SNX18: variants seen among roughly 807,000 people sequenced by gnomAD.
The protein encoded by SNX18 is sorting nexin-18.
A neutral mutation model predicts 48.7 loss-of-function variants in SNX18; 35 were observed. That is an observed-to-expected ratio of 0.72 (90% confidence interval 0.55 to 0.95). The LOEUF (loss-of-function observed/expected upper bound fraction) is 0.95. SNX18 is among the 40% of genes least tolerant of loss of function. The probability of loss-of-function intolerance (pLI) is 0.00; values close to 1 mark genes in which losing one functional copy is unlikely to be tolerated. For missense variants in SNX18, 824 were observed against 871.0 expected (o/e 0.95, Z 0.68); for synonymous variants, 492 against 384.7 (o/e 1.28, Z -3.26).
the SNX18 span, among the ~76,000 whole-genome samples, chr5:54,594,762 G>T: frequency 6.6e-6 from 1 of 152,092 alleles, no homozygotes; most frequent in East Asian, 1.9e-4. Flanking sequence ...TTTGGGGTAC[G>T]ATTGATCCTA....
the SNX18 span, among the ~76,000 whole-genome samples, chr5:54,581,456 C>T: frequency 3.3e-5 from 5 of 151,940 alleles, no homozygotes; most frequent in East Asian, 5.8e-4. Context: ...ATGACTCCCC[C>T]GGCAAAAAGG....
the SNX18 span, among the ~76,000 whole-genome samples, chr5:54,556,630 G>A: frequency 6.6e-6 from 1 of 152,146 alleles, no homozygotes; most frequent in Admixed American, 6.5e-5. Flanking sequence ...CAGATTCTTG[G>A]GTTCTGGGCA....
the SNX18 span, among the ~76,000 whole-genome samples, chr5:54,596,462 A>G: frequency 1.3e-5 from 2 of 152,156 alleles, no homozygotes; most frequent in African/African-American, 2.4e-5. Context: ...TGCTTTGCTA[A>G]TTTGGTTGCT....
the SNX18 span, among the ~76,000 whole-genome samples, chr5:54,618,645 G>A: frequency 0.19 from 28,700 of 152,176 alleles, 2,915 homozygotes; most frequent in East Asian, 0.32. Context: ...GGAGTAGAAA[G>A]TTACTAAATG....
chr5:54,595,755 A>T, the SNX18 span, among the ~76,000 whole-genome samples: 2 of 152,162 alleles, frequency 1.3e-5, no homozygotes, highest in Non-Finnish European at 2.9e-5. Flanking sequence ...CTTAAAACAG[A>T]TTTATTCTCT....
the SNX18 span, among the ~76,000 whole-genome samples, chr5:54,622,521 C>T: frequency 6.6e-6 from 1 of 150,700 alleles, no homozygotes; most frequent in African/African-American, 2.4e-5. Context: ...AAGCAACTAG[C>T]CCTTTCATAA....
the SNX18 span, among the ~76,000 whole-genome samples, chr5:54,568,059 C>T: frequency 6.6e-6 from 1 of 152,164 alleles, no homozygotes; most frequent in African/African-American, 2.4e-5. Flanking sequence ...TTAACTCACC[C>T]TTGGCTCTAT....
At chr5:54,602,349 G>C in the SNX18 span, among the ~76,000 whole-genome samples, 2 of 152,218 alleles carry the variant, frequency 1.3e-5, no homozygotes, top group Admixed American at 6.5e-5. Context: ...GTGTCACTGG[G>C]AAAATGGCCA....
chr5:54,639,738 A>G, the SNX18 span, among the ~76,000 whole-genome samples: 1 of 152,206 alleles, frequency 6.6e-6, no homozygotes, highest in Admixed American at 6.5e-5. Flanking sequence ...TGAAGAAACA[A>G]AGCTTATCTA....
chr5:54,521,243 C>T (rs185598603), intron 1 of SNX18, among the ~76,000 whole-genome samples: 46 of 152,214 alleles, frequency 3.0e-4, no homozygotes, highest in Admixed American at 1.8e-3. Context: ...TGTGCTGGGC[C>T]GCTGGTGTCT....
the SNX18 span, among the ~76,000 whole-genome samples, chr5:54,614,003 C>G: frequency 6.6e-6 from 1 of 152,146 alleles, no homozygotes; most frequent in Non-Finnish European, 1.5e-5. Flanking sequence ...TTTAAGAACC[C>G]AAGTTTGGTG....
chr5:54,644,349 A>G, the SNX18 span: 3 of 152,242 alleles, frequency 2.0e-5, no homozygotes, highest in African/African-American at 4.8e-5. Context: ...AAGACAGCTG[A>G]TGTTTCGCAT....
the SNX18 span, among the ~76,000 whole-genome samples, chr5:54,609,699 A>G: frequency 6.6e-6 from 1 of 152,190 alleles, no homozygotes; most frequent in Non-Finnish European, 1.5e-5. Flanking sequence ...TTGAAAAGAA[A>G]GAAGTATAGG....
the SNX18 span, among the ~76,000 whole-genome samples, chr5:54,578,549 A>G: frequency 6.6e-6 from 1 of 152,192 alleles, no homozygotes; most frequent in African/African-American, 2.4e-5. Context: ...GGTCATGAAG[A>G]CAGAGGAGCA....
chr5:54,593,007 G>A, the SNX18 span, among the ~76,000 whole-genome samples: 1 of 151,954 alleles, frequency 6.6e-6, no homozygotes, highest in Non-Finnish European at 1.5e-5. Flanking sequence ...CATCATGTTG[G>A]CCAGGCTGGT....
the SNX18 span, among the ~76,000 whole-genome samples, chr5:54,582,584 C>T: frequency 6.6e-6 from 1 of 151,602 alleles, no homozygotes; most frequent in Non-Finnish European, 1.5e-5. Context: ...CATAGTGCAC[C>T]AAGACCTCCG....
At chr5:54,553,029 A>AGCC in the SNX18 span, among the ~76,000 whole-genome samples, 1 of 147,344 alleles carries the variant, frequency 6.8e-6, no homozygotes, top group African/African-American at 2.5e-5. Flanking sequence ...GCAGGAGCAC[A>AGCC]GCCGGGGACA....
the SNX18 span, among the ~76,000 whole-genome samples, chr5:54,575,238 A>G: frequency 6.6e-6 from 1 of 151,978 alleles, no homozygotes. Flanking sequence ...AGAGATGCCC[A>G]AGGAGCCCCA....
At chr5:54,557,613 C>T in the SNX18 span, among the ~76,000 whole-genome samples, 2 of 152,064 alleles carry the variant, frequency 1.3e-5, no homozygotes, top group African/African-American at 2.4e-5. Flanking sequence ...TTGCCCCAGG[C>T]TGGAGGGAAG....
Sources: allele counts gnomAD v4.1 joint callset (sites outside exome capture counted in the v4.1 genomes callset), GRCh38; gene constraint gnomAD v4.1.1; transcripts MANE v1.5; gene names NCBI Gene and HGNC (gene_info 2026-07-23, HGNC 2026-07-21).